STXBP5L: variants seen among roughly 807,000 people sequenced by gnomAD.
STXBP5L encodes syntaxin-binding protein 5-like.
A neutral mutation model predicts 144.5 loss-of-function variants in STXBP5L; 65 were observed. The observed-to-expected ratio is 0.45, with a 90% confidence interval of 0.37 to 0.55. The LOEUF is 0.55. STXBP5L is among the 20% of genes least tolerant of loss of function. STXBP5L has a pLI of 0.00. For missense variants in STXBP5L, 1,298 were observed against 1,405.5 expected, an observed-to-expected ratio of 0.92 and a Z score of 1.22; for synonymous variants, 505 against 469.6, an observed-to-expected ratio of 1.08 and a Z score of -0.97.
intron 3 of STXBP5L, among the ~76,000 whole-genome samples, chr3:121,018,188 G>T (rs1945279011): frequency 6.6e-6 from 1 of 152,104 alleles, no homozygotes; most frequent in African/African-American, 2.4e-5. Context: ...ATTCAATTTA[G>T]TCCCAGCAAG....
intron 19 of STXBP5L, among the ~76,000 whole-genome samples, chr3:121,303,143 G>T (rs1354652142): frequency 6.6e-6 from 1 of 152,150 alleles, no homozygotes; most frequent in Non-Finnish European, 1.5e-5. Context: ...CTGACAAAGG[G>T]CTAATATCCA....
intron 9 of STXBP5L, among the ~76,000 whole-genome samples, chr3:121,199,368 AAGG>A (rs1310120393): frequency 6.6e-6 from 1 of 152,126 alleles, no homozygotes; most frequent in Non-Finnish European, 1.5e-5. Context: ...TTATCAGCTT[AAGG>A]AGATTTTGGG....
intron 9 of STXBP5L, among the ~76,000 whole-genome samples, chr3:121,171,883 T>G (rs2046732598): frequency 6.6e-6 from 1 of 152,142 alleles, no homozygotes; most frequent in Non-Finnish European, 1.5e-5. Flanking sequence ...AAAAAGAGCC[T>G]GTATAGCCAA....
At chr3:121,053,595 G>A (rs1192389118) in intron 5 of STXBP5L, among the ~76,000 whole-genome samples, 6 of 152,140 alleles carry the variant, frequency 3.9e-5, no homozygotes, top group African/African-American at 7.2e-5. Context: ...ATTCAAGATG[G>A]ATTAAAGACT....
chr3:121,128,829 A>G (rs150966139), intron 7 of STXBP5L, among the ~76,000 whole-genome samples: 82 of 152,234 alleles, frequency 5.4e-4, no homozygotes, highest in African/African-American at 1.9e-3. Context: ...ACAATATCTC[A>G]TCAGGTTTTC....
intron 2 of STXBP5L, among the ~76,000 whole-genome samples, chr3:120,943,601 CTTAT>C (rs1559893224): frequency 6.6e-6 from 1 of 151,566 alleles, no homozygotes. Flanking sequence ...TTATCAGTAT[CTTAT>C]TTAGTGTTTT....
chr3:120,974,818 G>A (rs1326273627), intron 3 of STXBP5L, among the ~76,000 whole-genome samples: 2 of 152,076 alleles, frequency 1.3e-5, no homozygotes, highest in Admixed American at 1.3e-4. Flanking sequence ...CCCATTTCTT[G>A]TTTTTGTCAG....
intron 3 of STXBP5L, among the ~76,000 whole-genome samples, chr3:120,969,002 G>A (rs1325944521): frequency 6.6e-6 from 1 of 151,984 alleles, no homozygotes; most frequent in Non-Finnish European, 1.5e-5. Context: ...CACCATAAAC[G>A]TGTGTGCATG....
chr3:120,940,670 C>T (rs557320982), intron 2 of STXBP5L, among the ~76,000 whole-genome samples: 9 of 150,636 alleles, frequency 6.0e-5, no homozygotes, highest in Non-Finnish European at 1.3e-4. Flanking sequence ...ATTTGTAGAG[C>T]ACTATCTGGC....
intron 3 of STXBP5L, among the ~76,000 whole-genome samples, chr3:120,994,611 C>T (rs1162159868): frequency 6.6e-6 from 1 of 152,048 alleles, no homozygotes; most frequent in East Asian, 1.9e-4. Flanking sequence ...TTGAAGTACC[C>T]TTGCCTCTCT....
chr3:121,080,132 T>C (rs1452203459), intron 5 of STXBP5L, among the ~76,000 whole-genome samples: 1 of 152,218 alleles, frequency 6.6e-6, no homozygotes, highest in African/African-American at 2.4e-5. Context: ...TTGTCTGATA[T>C]AAGAATAGCT....
chr3:121,112,827 A>T (rs1413087290), intron 5 of STXBP5L, among the ~76,000 whole-genome samples: 3 of 152,212 alleles, frequency 2.0e-5, no homozygotes, highest in Non-Finnish European at 4.4e-5. Context: ...ATGAAAGTGT[A>T]ATTATAAAAT....
At chr3:121,066,961 T>A (rs974282529) in intron 5 of STXBP5L, among the ~76,000 whole-genome samples, 5 of 152,112 alleles carry the variant, frequency 3.3e-5, no homozygotes, top group Admixed American at 2.6e-4. Context: ...TTGAAGAAAT[T>A]TTTCCTATTC....
chr3:121,327,540 T>A (rs2044189042), intron 20 of STXBP5L, among the ~76,000 whole-genome samples: 1 of 152,200 alleles, frequency 6.6e-6, no homozygotes, highest in Non-Finnish European at 1.5e-5. Context: ...TAGTCTCTCA[T>A]GCTATACCAC....
intron 9 of STXBP5L, among the ~76,000 whole-genome samples, chr3:121,160,580 A>T (rs1209707518): frequency 1.3e-5 from 2 of 152,136 alleles, no homozygotes; most frequent in Non-Finnish European, 2.9e-5. Flanking sequence ...AGACTTAAGC[A>T]TTTGTGGATT....
chr3:121,250,665 A>G, intron 14 of STXBP5L, 58 bp from the exon 15 acceptor site: 1 of 1,380,010 alleles, frequency 7.2e-7, no homozygotes, highest in Admixed American at 1.9e-5. Flanking sequence ...GTACATTTGG[A>G]GTGATTATGA....
rs542671569 is a variant in STXBP5L at position 121,014,035 on chromosome 3, C to T, written c.288-27665C>T. Reference sequence around the variant, plus strand: ...TACCAGTACCATGCTGTTTTGATTACTGTAGCCTTGCCATATAGTTTGAAG... The same window carrying T: ...TACCAGTACCATGCTGTTTTGATTATTGTAGCCTTGCCATATAGTTTGAAG... On this transcript the variant is annotated intron_variant, in intron 3 of 26. Transcript: ENST00000471454. 5.9e-5 allele frequency among the ~76,000 whole-genome samples: 9 copies of T among 152,180 alleles called. No individual in the cohort carries two copies. The East Asian group carries it at 1.5e-3, about 26-fold the overall frequency.
In STXBP5L at chr3:121,045,498, C is replaced by A; in HGVS notation, c.433C>A (p.Pro145Thr). Reference protein sequence around the residue: ...LHLWNLRQKRPAILHSLKFNR... With the variant: ...LHLWNLRQKRTAILHSLKFNR... ...TTTGTGGAACCTTAGACAAAAAAGG[C>A]CAGCCATACTCCATTCTCTTAAATT... The change falls in exon 5 of 27, where the codon CCA becomes ACA. Residue 145 changes from proline to threonine, a missense_variant. Coordinates refer to ENST00000471454, the MANE Select transcript of STXBP5L (RefSeq NM_001308330.2). 6.2e-7 allele frequency: 1 copy of A among 1,613,004 alleles called. No homozygotes were observed. The highest frequency in any genetic ancestry group is 8.5e-7 in the Non-Finnish European group (1 of 1,179,382).
intron 15 of STXBP5L, among the ~76,000 whole-genome samples, chr3:121,252,298 A>AAT (rs2050052287): frequency 6.6e-6 from 1 of 151,520 alleles, no homozygotes; most frequent in East Asian, 1.9e-4. Flanking sequence ...TCTGGGAGGC[A>AAT]GAGGTTGCAG....
Sources: allele counts gnomAD v4.1 joint callset (sites outside exome capture counted in the v4.1 genomes callset), GRCh38; gene constraint gnomAD v4.1.1; transcripts MANE v1.5; gene names NCBI Gene and HGNC (gene_info 2026-07-23, HGNC 2026-07-21).